NBPF3: variants seen among roughly 807,000 people sequenced by gnomAD.
The protein encoded by NBPF3 is NBPF member 3.
A neutral mutation model predicts 78.1 loss-of-function variants in NBPF3; 57 were observed. The observed-to-expected ratio is 0.73, with a 90% CI of 0.59 to 0.91. The LOEUF (loss-of-function observed/expected upper bound fraction) is 0.91. Among genes scored for constraint, NBPF3 ranks in the 40% least tolerant of loss-of-function variants. NBPF3 has a pLI of 0.00. For missense variants in NBPF3, 510 were observed against 715.3 expected (o/e 0.71, Z 3.27); for synonymous variants, 182 against 271.7 (o/e 0.67, Z 3.25).
chr1:21,475,013 A>C (rs1336151908), intron 8 of NBPF3, 62 bp downstream of exon 8: 3 of 1,450,284 alleles, frequency 2.1e-6, no homozygotes, highest in Non-Finnish European at 2.9e-6. Flanking sequence ...GTAGATTTAG[A>C]GAAAATGAGG....
intron 6 of NBPF3, 106 bp downstream of exon 6, chr1:21,473,021 T>A (rs760411390): frequency 1.0e-4 from 90 of 877,478 alleles, no homozygotes; most frequent in Admixed American, 1.5e-4. Flanking sequence ...CTGCATTCCC[T>A]TGGCCACAGT....
chr1:21,479,207 C>T, intron 9 of NBPF3, 142 bp from the exon 10 acceptor site: 1 of 903,728 alleles, frequency 1.1e-6, no homozygotes, highest in Non-Finnish European at 1.7e-6. Flanking sequence ...TGCCCTCAGG[C>T]CTCCTGGTAT....
At chr1:21,469,077 A>G (rs1442406898) in intron 3 of NBPF3, among the ~76,000 whole-genome samples, 180 bp downstream of exon 3, 1 of 152,134 alleles carries the variant, frequency 6.6e-6, no homozygotes. Context: ...GTATTTAGCA[A>G]CTTTCCATGT....
intron 1 of NBPF3, among the ~76,000 whole-genome samples, chr1:21,443,674 T>TA: frequency 6.6e-6 from 1 of 151,978 alleles, no homozygotes; most frequent in Non-Finnish European, 1.5e-5. Flanking sequence ...AGTGCAGTGG[T>TA]ATGATCATGG....
intron 7 of NBPF3, among the ~76,000 whole-genome samples, chr1:21,473,941 G>A (rs935897706): frequency 6.6e-6 from 1 of 152,192 alleles, no homozygotes; most frequent in South Asian, 2.1e-4. Context: ...TTTTTAAGGC[G>A]ACTGGCAGCC....
At chr1:21,439,058 C>G (rs1020681824), upstream of NBPF3, among the ~76,000 whole-genome samples, 1 of 152,156 alleles carries the variant, frequency 6.6e-6, no homozygotes, top group African/African-American at 2.4e-5. Context: ...CTCTTTGGAA[C>G]GCTCTTCCTG....
Position 21,473,602 on chromosome 1 carries a change from T to C in NBPF3, c.940+17T>C, listed in dbSNP as rs758743882. On this transcript the variant is annotated intron_variant, in intron 7 of 14. Transcript: ENST00000318249. ...TTATCCCAGGTAGCCTCTATTTTCC[T>C]GTGTCTCACACCTTTTCCTATGCTG... 2 of 1,599,970 alleles carry C rather than the reference T, an allele frequency of 1.3e-6. No individual in the cohort carries two copies. The highest frequency in any genetic ancestry group is 1.7e-6 in the Non-Finnish European group (2 of 1,167,030).
intron 5 of NBPF3, among the ~76,000 whole-genome samples, chr1:21,472,350 T>C (rs552958306): frequency 5.9e-5 from 9 of 152,204 alleles, no homozygotes; most frequent in Non-Finnish European, 1.2e-4. Flanking sequence ...TGGTAGGAAG[T>C]GCTTGATACT....
chr1:21,481,651 G>A lies in NBPF3; in HGVS notation c.1488G>A (p.Leu496=), dbSNP rs1208531886. Residue 496 remains leucine (L), a synonymous_variant, in exon 13 of 15, where the codon CTG becomes CTA. Transcript: ENST00000318249. Reference sequence around the variant, plus strand: ...AGCCTGAGGACTTGCAGGACTCACTGGATAGATGGTATTCGACTCCTTTCA... The same window carrying A: ...AGCCTGAGGACTTGCAGGACTCACTAGATAGATGGTATTCGACTCCTTTCA... ...VVEPEDLQDS[L]DRWYSTPFSY... 1.9e-6 allele frequency: 3 copies of A among 1,611,762 alleles called. No individual in the cohort carries two copies. The highest frequency in any genetic ancestry group is 8.5e-7 in the Non-Finnish European group (1 of 1,179,278).
rs766796014 is a variant in NBPF3 at position 21,479,820 on chromosome 1, C to CTCTCTGTGTGTG, written c.1209-230_1209-229insCTCTGTGTGTGT. On this transcript the variant is annotated intron_variant, in intron 10 of 14. Transcript: ENST00000318249. The stretch of plus-strand genomic sequence containing the variant: ...TCTCTCTCTCTCTCTCTCTCTCTCT[C>CTCTCTGTGTGTG]TGTGTGTGTGTGTGTGTGTGTGTGT... Among the ~76,000 whole-genome samples the CTCTCTGTGTGTG allele has an allele frequency of 2.6e-3, 269 of 102,874 alleles. 8 individuals carry two copies. Among genetic ancestry groups the CTCTCTGTGTGTG allele is most frequent in the African/African-American group, 8.5e-3 (254 of 29,770 alleles). The allele number at this position is 102,874 out of a possible 152,430, so 67.5% of individuals were successfully genotyped here.
chr1:21,447,539 A>G (rs1208066515), intron 2 of NBPF3, among the ~76,000 whole-genome samples: 2 of 152,156 alleles, frequency 1.3e-5, no homozygotes, highest in Admixed American at 1.3e-4. Context: ...TCTTTCTAGC[A>G]TTATGTACTT....
At chr1:21,445,519 C>A (rs982558872) in intron 2 of NBPF3, among the ~76,000 whole-genome samples, 13 of 148,190 alleles carry the variant, frequency 8.8e-5, no homozygotes, top group African/African-American at 3.0e-4. Flanking sequence ...TCCCCTCTCA[C>A]CCCCCATTCT....
intron 2 of NBPF3, among the ~76,000 whole-genome samples, chr1:21,465,316 C>T (rs1642199723): frequency 6.6e-6 from 1 of 152,248 alleles, no homozygotes; most frequent in South Asian, 2.1e-4. Context: ...ATTGACTGCA[C>T]ATCTGAGTCA....
rs1400012701 is a variant in NBPF3 at position 21,460,899 on chromosome 1, T to C, written c.134-7789T>C. Among the ~76,000 whole-genome samples, 1 of 152,278 alleles carries C rather than the reference T, an allele frequency of 6.6e-6. No homozygotes were observed. Among genetic ancestry groups the C allele is most frequent in the East Asian group, 1.9e-4 (1 of 5,184 alleles). On this transcript the variant is annotated intron_variant, in intron 2 of 14. Coordinates refer to ENST00000318249, the MANE Select transcript of NBPF3 (RefSeq NM_032264.6). This position sits in a 1 kb window ranked among gnomAD's most constrained non-coding sequence, Gnocchi z 4.2. ...TATATAAATGGATGCATTCAAAATA[T>C]ATAAAGAACTCCTATAGGTTACAAG...
At chr1:21,450,995 T>A (rs1454520679) in intron 2 of NBPF3, among the ~76,000 whole-genome samples, 1 of 152,272 alleles carries the variant, frequency 6.6e-6, no homozygotes, top group Non-Finnish European at 1.5e-5. Flanking sequence ...TTAATTAGGA[T>A]CGACAGCCTG....
chr1:21,438,729 G>A (rs1278423426), upstream of NBPF3, among the ~76,000 whole-genome samples: 1 of 149,582 alleles, frequency 6.7e-6, no homozygotes, highest in East Asian at 2.1e-4. Flanking sequence ...AAACTTAAAT[G>A]ACCTGCACAG....
At chr1:21,457,514 G>A (rs1641697008) in intron 2 of NBPF3, among the ~76,000 whole-genome samples, 1 of 151,966 alleles carries the variant, frequency 6.6e-6, no homozygotes, top group Non-Finnish European at 1.5e-5. Flanking sequence ...TACATAAATG[G>A]TCAATTAGCA....
Position 21,473,534 on chromosome 1 carries a change from A to G in NBPF3, c.889A>G (p.Ile297Val), listed in dbSNP as rs749177270. 9 of 1,614,162 alleles carry G rather than the reference A, an allele frequency of 5.6e-6. No homozygotes were observed. The South Asian group carries it at 9.9e-5, about 18-fold the overall frequency. Residue 297 changes from isoleucine (I) to valine (V), a missense_variant, in exon 7 of 15, where the codon ATT (isoleucine) becomes GTT (valine). Transcript: ENST00000318249. Reference sequence around the variant, plus strand: ...GGAAGACCAAGTCGACTCAACTCTCATTGACTCATCCTCTCATGATGAATG... The same window carrying G: ...GGAAGACCAAGTCGACTCAACTCTCGTTGACTCATCCTCTCATGATGAATG... ...FEEDQVDSTL[I>V]DSSSHDEWLD...
At chr1:21,447,424 TCTC>T (rs943707911) in intron 2 of NBPF3, among the ~76,000 whole-genome samples, 3 of 152,194 alleles carry the variant, frequency 2.0e-5, no homozygotes, top group African/African-American at 4.8e-5. Flanking sequence ...TGCGTCCTCC[TCTC>T]CTCCACCCCT....
Sources: allele counts gnomAD v4.1 joint callset (sites outside exome capture counted in the v4.1 genomes callset), GRCh38; gene constraint gnomAD v4.1.1; non-coding constraint Gnocchi (gnomAD v3.1); transcripts MANE v1.5; gene names NCBI Gene and HGNC (gene_info 2026-07-23, HGNC 2026-07-21).